Variants in SNX29 observed in about 807,000 individuals in gnomAD.
SNX29 encodes the protein sorting nexin-29.
SNX29 carries 78 observed loss-of-function variants against 102.1 expected under a neutral mutation model. The observed-to-expected ratio is 0.76, with a 90% CI of 0.64 to 0.92. The LOEUF (loss-of-function observed/expected upper bound fraction) is 0.92. Ranked by LOEUF, SNX29 falls within the 40% of genes least tolerant of loss-of-function variation. The pLI, the probability that SNX29 is intolerant of heterozygous loss-of-function variation, is 0.00. For missense variants in SNX29, 1,280 were observed against 1,061.7 expected, an observed-to-expected ratio of 1.21 and a Z score of -2.86; for synonymous variants, 580 against 414.5, an observed-to-expected ratio of 1.40 and a Z score of -4.85.
At chr16:12,545,592 G>C (rs1178264664) in intron 20 of SNX29, 1 of 152,218 alleles carries the variant, frequency 6.6e-6, no homozygotes, top group Admixed American at 6.5e-5. Context: ...ATTTCCTCTG[G>C]AATCCAGAGG....
At chr16:12,131,744 A>G (rs901988418) in intron 13 of SNX29, among the ~76,000 whole-genome samples, 8 of 152,222 alleles carry the variant, frequency 5.3e-5, no homozygotes, top group Non-Finnish European at 7.3e-5. Context: ...AAGTCAGTTT[A>G]TAGCAGCAGC....
intron 11 of SNX29, chr16:12,089,860 C>G (rs1193439276): frequency 2.5e-6 from 1 of 400,522 alleles, no homozygotes; most frequent in South Asian, 1.8e-5. Flanking sequence ...CTCCTTCCCT[C>G]CGCCCTCCCT....
chr16:12,570,119 C>T lies in SNX29; in HGVS notation c.*1490C>T, dbSNP rs189769746. 1.8e-4 allele frequency: 187 copies of T among 1,029,678 alleles called. 1 individual carries two copies. In the East Asian group the frequency reaches 7.9e-3, roughly 43 times the overall value. The allele number at this position is 1,029,678 out of a possible 1,614,324, so 63.8% of individuals were successfully genotyped here. A position where few individuals can be genotyped will look rare whatever the true frequency, so the allele number is the denominator to read the frequency against. ...CCTCGTAGCAAAAAGGAAGATTGTT[C>T]ATGGCCTTTAAGGAAGGCTGAGATC... On this transcript the variant is annotated 3_prime_UTR_variant, in exon 21 of 21. Coordinates refer to ENST00000566228, the MANE Select transcript of SNX29 (RefSeq NM_032167.5).
At chr16:12,128,848 G>C (rs891326108) in intron 12 of SNX29, among the ~76,000 whole-genome samples, 6 of 152,176 alleles carry the variant, frequency 3.9e-5, no homozygotes, top group Non-Finnish European at 7.3e-5. Flanking sequence ...GAAACAGCCA[G>C]GTAGAATGAA....
At chr16:12,009,552 T>A (rs554045123) in intron 3 of SNX29, among the ~76,000 whole-genome samples, 5 of 151,974 alleles carry the variant, frequency 3.3e-5, no homozygotes, top group Non-Finnish European at 5.9e-5. Context: ...ACATGGAACA[T>A]AAAACAGTAT....
At chr16:12,161,950 C>T (rs1458689983) in intron 13 of SNX29, among the ~76,000 whole-genome samples, 1 of 152,188 alleles carries the variant, frequency 6.6e-6, no homozygotes, top group Non-Finnish European at 1.5e-5. Context: ...TCCTGATGAG[C>T]AATGCAAAAT....
intron 2 of SNX29, among the ~76,000 whole-genome samples, chr16:12,000,065 G>A (rs543070915): frequency 6.6e-6 from 1 of 152,256 alleles, no homozygotes; most frequent in East Asian, 1.9e-4. Flanking sequence ...CCACGCCTGA[G>A]GTCCTCTGCT....
chr16:12,345,592 C>T (rs980814911), intron 15 of SNX29, among the ~76,000 whole-genome samples: 12 of 152,184 alleles, frequency 7.9e-5, no homozygotes, highest in African/African-American at 2.9e-4. Flanking sequence ...GCTCAGAAAA[C>T]AGTAACTGTT....
At chr16:12,461,251 A>G (rs1367988452) in intron 18 of SNX29, among the ~76,000 whole-genome samples, 1 of 152,138 alleles carries the variant, frequency 6.6e-6, no homozygotes, top group Non-Finnish European at 1.5e-5. Context: ...GAGCCACCAC[A>G]AGTCTGGTGC....
chr16:12,237,509 G>T (rs887231935), intron 14 of SNX29, among the ~76,000 whole-genome samples: 3 of 152,202 alleles, frequency 2.0e-5, no homozygotes, highest in African/African-American at 7.2e-5. Flanking sequence ...AGTGGCTCAC[G>T]CCTGTAATCC....
At chr16:12,246,504 A>T (rs530649344) in intron 14 of SNX29, among the ~76,000 whole-genome samples, 2 of 152,204 alleles carry the variant, frequency 1.3e-5, no homozygotes, top group South Asian at 4.1e-4. Flanking sequence ...AGCTGGGTGT[A>T]GTGGCACACT....
In SNX29 at chr16:12,003,038, C is replaced by T. The variant is rs770683820; in HGVS notation, c.117C>T (p.Asp39=). 1 of 1,614,160 alleles carries T rather than the reference C, an allele frequency of 6.2e-7. No homozygotes were observed. The highest frequency in any genetic ancestry group is 1.1e-5 in the South Asian group (1 of 91,082). ...GAAAGGAGATTGCCTCGGATTCCGA[C>T]AGCAGGTAAATATGTCACTTCTAAA... ...GGRKEIASDS[D]SRVTCLCAQF... The change falls in exon 3 of 21, where the codon GAC becomes GAT. Residue 39 remains aspartate (D), a synonymous_variant. Transcript: ENST00000566228.
At chr16:12,270,523 C>G (rs2079059709) in intron 14 of SNX29, among the ~76,000 whole-genome samples, 1 of 152,202 alleles carries the variant, frequency 6.6e-6, no homozygotes, top group African/African-American at 2.4e-5. Context: ...TGAATGGTCT[C>G]TCATGCCTTG....
At chr16:12,468,569 T>A (rs1046417643) in intron 18 of SNX29, among the ~76,000 whole-genome samples, 2 of 152,130 alleles carry the variant, frequency 1.3e-5, no homozygotes, top group Non-Finnish European at 2.9e-5. Flanking sequence ...CCCGCAGCCC[T>A]CATCTCCCTT....
At chr16:12,256,677 T>C (rs2078584026) in intron 14 of SNX29, among the ~76,000 whole-genome samples, 1 of 152,202 alleles carries the variant, frequency 6.6e-6, no homozygotes, top group South Asian at 2.1e-4. Flanking sequence ...CAGTTGTTTA[T>C]GAAGTGCCTG....
chr16:12,434,672 C>T (rs1027787018), intron 18 of SNX29, among the ~76,000 whole-genome samples: 2 of 152,158 alleles, frequency 1.3e-5, no homozygotes, highest in South Asian at 2.1e-4. Flanking sequence ...CCCTGCACAA[C>T]GGCTGGGGGC....
chr16:12,128,025 C>G (rs1794571104), intron 12 of SNX29, among the ~76,000 whole-genome samples: 1 of 152,152 alleles, frequency 6.6e-6, no homozygotes, highest in South Asian at 2.1e-4. Context: ...TCCTTCAAAC[C>G]TCATTTTTGG....
In SNX29 at chr16:12,572,010, G is replaced by T. The variant is rs1429999916; in HGVS notation, c.*3381G>T. On this transcript the variant is annotated 3_prime_UTR_variant, in exon 21 of 21. Coordinates refer to ENST00000566228, the MANE Select transcript of SNX29 (RefSeq NM_032167.5). ...TCCAGTCACCAGTTGCATCTAGGGAGCTGCTGGCTATAAAAGGGATCATCC... is the reference window on the plus strand; with the variant it reads ...TCCAGTCACCAGTTGCATCTAGGGATCTGCTGGCTATAAAAGGGATCATCC... 6 of 1,062,628 alleles carry T rather than the reference G, an allele frequency of 5.6e-6. No individual in the cohort carries two copies. Among genetic ancestry groups the T allele is most frequent in the Admixed American group, 5.4e-5 (1 of 18,632 alleles). The allele number at this position is 1,062,628 out of a possible 1,614,324, so 65.8% of individuals were successfully genotyped here.
chr16:12,306,188 A>G (rs959888922), intron 15 of SNX29, among the ~76,000 whole-genome samples: 1 of 152,198 alleles, frequency 6.6e-6, no homozygotes, highest in Non-Finnish European at 1.5e-5. Flanking sequence ...GGATTTCAGA[A>G]TAGTGCTCTG....
Sources: gnomAD v4.1 joint callset for allele counts (sites outside exome capture counted in the v4.1 genomes callset) on GRCh38, gnomAD v4.1.1 for gene constraint, MANE v1.5 for transcripts, NCBI Gene and HGNC (gene_info 2026-07-23, HGNC 2026-07-21) for gene names.